EML2: variants seen among roughly 807,000 people sequenced by gnomAD.
EML2 encodes the protein EMAP like 2.
EML2 carries 59 observed loss-of-function variants against 84.7 expected under a neutral mutation model. The ratio of observed to expected loss-of-function variants is 0.70; its 90% CI spans 0.56 to 0.86. The LOEUF (loss-of-function observed/expected upper bound fraction) is 0.86. Among genes scored for constraint, EML2 ranks in the 40% least tolerant of loss-of-function variants. EML2 has a pLI of 0.00. For missense variants in EML2, 818 were observed against 855.6 expected (o/e 0.96, Z 0.55); for synonymous variants, 352 against 348.9 (o/e 1.01, Z -0.10).
At chr19:45,609,913 A>G in intron 18 of EML2, 125 bp from the exon 19 acceptor site, 1 of 1,172,558 alleles carries the variant, frequency 8.5e-7, no homozygotes. Flanking sequence ...AATCACTTAG[A>G]GTGAAGTCAC....
chr19:45,631,826 C>T (rs751942735), intron 6 of EML2, among the ~76,000 whole-genome samples: 4 of 151,686 alleles, frequency 2.6e-5, no homozygotes, highest in South Asian at 2.1e-4. Context: ...CCACCTCAAC[C>T]TCCCAAGTAT....
rs760192491 is a variant in EML2, at chr19:45,613,557, G to T, written c.1808C>A (p.Pro603His). 1 of 1,613,884 alleles carries T rather than the reference G, an allele frequency of 6.2e-7. No individual in the cohort carries two copies. The highest frequency in any genetic ancestry group is 1.3e-5 in the African/African-American group (1 of 74,880). ...DFGKVHLFSY[P>H]CCQPRALSHK... ...GGGACTCACTCGAGGCTGACAGCAG[G>T]GGTAGCTAAACAGGTGAACTTTGCC... Residue 603 changes from proline to histidine, a missense_variant, in exon 18 of 19, where the codon CCC becomes CAC. Coordinates refer to ENST00000245925, the MANE Select transcript of EML2 (RefSeq NM_012155.4).
chr19:45,642,452 C>G, upstream of EML2: 1 of 1,460,818 alleles, frequency 6.8e-7, no homozygotes, highest in Non-Finnish European at 9.0e-7. Context: ...GCCAGCCACG[C>G]CCCTTTCCTG....
chr19:45,631,231 C>A (rs1165115423), intron 6 of EML2, among the ~76,000 whole-genome samples: 1 of 152,076 alleles, frequency 6.6e-6, no homozygotes, highest in African/African-American at 2.4e-5. Context: ...CCTTTGGTAA[C>A]AATATGGCTT....
At chr19:45,644,932 A>C, upstream of EML2, 1 of 430,408 alleles carries the variant, frequency 2.3e-6, no homozygotes. Flanking sequence ...ATAGGGGAGC[A>C]TTCCAGAAGC....
upstream of EML2, chr19:45,645,314 CA>C: frequency 6.5e-7 from 1 of 1,533,432 alleles, no homozygotes; most frequent in East Asian, 2.5e-5. Context: ...GTACAGGCCG[CA>C]GAAGGCCGGG....
Position 45,637,667 on chromosome 19 carries a change from C to CTTTTTTTTTTTT in EML2, c.179+826_179+837dup, listed in dbSNP as rs58180181. On this transcript the variant is annotated intron_variant, in intron 3 of 18. Coordinates refer to ENST00000245925, the MANE Select transcript of EML2 (RefSeq NM_012155.4). ...GCTATTTTTTTTTTCTTTTTCTTTT[C>CTTTTTTTTTTTT]TTTTTTTTTTTTTTTTTTTTTTTTT... Among the ~76,000 whole-genome samples the CTTTTTTTTTTTT allele has an allele frequency of 2.5e-3, 123 of 48,900 alleles. 4 individuals carry two copies. The highest frequency in any genetic ancestry group is 3.9e-3 in the East Asian group (6 of 1,542). 32.1% of individuals were successfully genotyped at this position (48,900 alleles called of 152,430 possible).
intron 9 of EML2, among the ~76,000 whole-genome samples, chr19:45,622,149 G>T (rs972552243): frequency 3.3e-5 from 5 of 151,970 alleles, no homozygotes; most frequent in Non-Finnish European, 7.4e-5. Flanking sequence ...TAAACCATCT[G>T]CACTAACATC....
intron 3 of EML2, among the ~76,000 whole-genome samples, chr19:45,635,224 C>A (rs1045339868): frequency 6.6e-6 from 1 of 152,028 alleles, no homozygotes; most frequent in Non-Finnish European, 1.5e-5. Flanking sequence ...CTGCAACCTC[C>A]GCCTCCTGGG....
At chr19:45,609,888 T>A (rs1970305388) in intron 18 of EML2, 100 bp from the exon 19 acceptor site, 12 of 231,778 alleles carry the variant, frequency 5.2e-5, no homozygotes, top group Admixed American at 7.1e-5. Context: ...GCTCTTCCTC[T>A]TTTTTTTTTT....
In EML2 at chr19:45,609,672, C is replaced by T; in HGVS notation, c.1941G>A (p.Arg647=). The change falls in exon 19 of 19, where the codon CGG becomes CGA. Residue 647 remains arginine (R), a synonymous_variant. Coordinates refer to ENST00000245925, the MANE Select transcript of EML2 (RefSeq NM_012155.4). The part of the protein sequence containing the change: ...GGKDTSVLQW[R]VV ...CTCTTCCCTGGCCGCATCAGACCAC[C>T]CGCCACTGTAGCACACTGGTGTCCT... The T allele has an allele frequency of 6.2e-7, 1 of 1,604,516 alleles. No individual in the cohort carries two copies. Among genetic ancestry groups the T allele is most frequent in the Non-Finnish European group, 8.5e-7 (1 of 1,176,836 alleles).
intron 4 of EML2, among the ~76,000 whole-genome samples, chr19:45,633,689 G>A (rs995507227): frequency 2.0e-5 from 3 of 152,064 alleles, no homozygotes; most frequent in Non-Finnish European, 4.4e-5. Flanking sequence ...AGTGAGTCGA[G>A]ATCGTGCCAC....
rs751156346 is a variant in EML2, at chr19:45,634,314, CAT to C, written c.329+6_329+7del. On this transcript the variant is annotated splice_donor_region_variant and intron_variant, in intron 4 of 18. Coordinates refer to ENST00000245925, the MANE Select transcript of EML2 (RefSeq NM_012155.4). Reference sequence around the variant, plus strand: ...GCTCCCTCCCGTCCCCTCTGTCCCACATCTCACCATTTGATGTCATCGTTGTG... The same window carrying C: ...GCTCCCTCCCGTCCCCTCTGTCCCACCTCACCATTTGATGTCATCGTTGTG... 1.9e-6 allele frequency: 3 copies of C among 1,612,940 alleles called. No homozygotes were observed. The highest frequency in any genetic ancestry group is 2.5e-6 in the Non-Finnish European group (3 of 1,179,236).
chr19:45,643,737 G>A, upstream of EML2: 1 of 1,525,462 alleles, frequency 6.6e-7, no homozygotes, highest in Non-Finnish European at 8.8e-7. Flanking sequence ...TGCAGCCGCC[G>A]CTCCTCCCTC....
chr19:45,624,708 G>T lies in EML2; in HGVS notation c.841+11C>A, dbSNP rs1170052033. The T allele has an allele frequency of 3.7e-6, 6 of 1,607,106 alleles. No homozygotes were observed. The African/African-American group carries it at 5.4e-5, about 14-fold the overall frequency. On this transcript the variant is annotated intron_variant, in intron 9 of 18. Transcript: ENST00000245925. ...CTGGATTGGGAACCAAACAGATGGG[G>T]TGACACTGACCTTTGCCCCAAACAT...
At chr19:45,635,583 CTTTTTTTTTTTTTTT>C (rs1172930803) in intron 3 of EML2, among the ~76,000 whole-genome samples, 3 of 108,476 alleles carry the variant, frequency 2.8e-5, no homozygotes, top group South Asian at 3.1e-4. Flanking sequence ...TGTCTGTTTC[CTTTTTTTTTTTTTTT>C]TTTTTTTTTT....
chr19:45,619,004 CA>C (rs1283981054), intron 12 of EML2, 55 bp downstream of exon 12: 2 of 1,506,312 alleles, frequency 1.3e-6, no homozygotes, highest in Non-Finnish European at 1.8e-6. Flanking sequence ...AGCCCTGACA[CA>C]GGGGGAAAGG....
At position 45,613,543 on chromosome 19, in the gene EML2, G is replaced by A. The variant is rs367980918; in HGVS notation, c.1822C>T (p.Arg608Ter). 31 of 1,613,850 alleles carry A rather than the reference G, an allele frequency of 1.9e-5. No homozygotes were observed. The highest frequency in any genetic ancestry group is 1.3e-4 in the East Asian group (6 of 44,870). The change falls in exon 18 of 19, where the codon CGA becomes TGA. Residue 608 changes from arginine (R) to a stop codon, truncating the protein, a stop_gained and splice_region_variant. Coordinates refer to ENST00000245925, the MANE Select transcript of EML2 (RefSeq NM_012155.4). LOFTEE classifies it high-confidence loss of function. ...CCCCATCTCCCCAAGGGACTCACTC[G>A]AGGCTGACAGCAGGGGTAGCTAAAC... ...HLFSYPCCQPRALSHKYGGHS... is the reference protein window; with the variant it reads ...HLFSYPCCQP
intron 7 of EML2, among the ~76,000 whole-genome samples, chr19:45,627,315 G>A (rs928479433): frequency 1.7e-4 from 24 of 143,974 alleles, no homozygotes; most frequent in Middle Eastern, 4.1e-3. Flanking sequence ...GAGTGCGGTA[G>A]CACAATCTTG....
Sources: allele counts gnomAD v4.1 joint callset (sites outside exome capture counted in the v4.1 genomes callset), GRCh38; gene constraint gnomAD v4.1.1; transcripts MANE v1.5; gene names NCBI Gene and HGNC (gene_info 2026-07-23, HGNC 2026-07-21).